Variants in ATN1 observed in about 807,000 individuals in gnomAD.
The protein encoded by ATN1 is atrophin 1, also known as atrophin-1.
In ATN1, 19 loss-of-function variants were observed where a neutral mutation model predicts 85.8. The ratio of observed to expected loss-of-function variants is 0.22; its 90% CI spans 0.15 to 0.32. ATN1 has a LOEUF of 0.32. Among genes scored for constraint, ATN1 ranks in the 10% least tolerant of loss-of-function variants. ATN1 has a pLI of 1.00. For synonymous variants in ATN1, 674 were observed against 657.0 expected, an observed-to-expected ratio of 1.03 and a Z score of -0.39; for missense variants, 1,453 against 1,564.5, an observed-to-expected ratio of 0.93 and a Z score of 1.20.
Position 6,937,992 on chromosome 12 carries a change from A to G in ATN1, c.2442A>G (p.Glu814=). Residue 814 remains glutamate (E), a synonymous_variant, in exon 6 of 10, where the codon GAA becomes GAG. Coordinates refer to ENST00000396684, the MANE Select transcript of ATN1 (RefSeq NM_001940.4). The surrounding 1 kb of genome is among the most constrained non-coding windows in gnomAD (Gnocchi z 6.0). ...RREAEQRARE[E]KERERERERE... The stretch of plus-strand genomic sequence containing the variant: ...AGGCCGAGCAGCGCGCGCGCGAAGA[A>G]AAGGAGCGCGAGCGCGAGCGGGAAC... 6.5e-7 allele frequency: 1 copy of G among 1,549,002 alleles called. No individual in the cohort carries two copies. Among genetic ancestry groups the G allele is most frequent in the South Asian group, 1.2e-5 (1 of 84,100 alleles).
upstream of ATN1, among the ~76,000 whole-genome samples, chr12:6,927,915 AG>A: frequency 6.8e-6 from 1 of 147,372 alleles, no homozygotes. Context: ...AGGGGCTAGG[AG>A]GGGGGAGAGG....
chr12:6,936,716 CCAGCAACAGCAACAGCAGCAGCAGCAG>C lies in ATN1; in HGVS notation c.1455_1481del (p.Gln494_Gln502del), dbSNP rs1945539918. 3 of 1,580,480 alleles carry C rather than the reference CCAGCAACAGCAACAGCAGCAGCAGCAG, an allele frequency of 1.9e-6. No homozygotes were observed. Among genetic ancestry groups the C allele is most frequent in the Non-Finnish European group, 2.6e-6 (3 of 1,159,472 alleles). Reference sequence around the variant, plus strand: ...CAGTCTCAACACATCACCATCACCACCAGCAACAGCAACAGCAGCAGCAGCAGCAGCAGCAGCAGCAGCAGCAGCAGC... The same window carrying C: ...CAGTCTCAACACATCACCATCACCACCAGCAGCAGCAGCAGCAGCAGCAGC... On this transcript the variant is annotated inframe_deletion, in exon 5 of 10. Transcript: ENST00000396684.
At position 6,936,961 on chromosome 12, in the gene ATN1, G is replaced by A; in HGVS notation, c.1694G>A (p.Gly565Asp). The A allele has an allele frequency of 6.2e-7, 1 of 1,613,816 alleles. No homozygotes were observed. The highest frequency in any genetic ancestry group is 8.5e-7 in the Non-Finnish European group (1 of 1,179,876). The change falls in exon 5 of 10, where the codon GGC (glycine) becomes GAC (aspartate). Residue 565 changes from glycine to aspartate, a missense_variant. By Grantham distance (94) the Gly-to-Asp change is moderately conservative (BLOSUM62 -1). Around this residue, in one of 6 missense-constraint regions of ATN1, gnomAD observed 990 missense variants for 914.8 expected, o/e 1.08. Coordinates refer to ENST00000396684, the MANE Select transcript of ATN1 (RefSeq NM_001940.4). Reference protein sequence around the residue: ...QVSYSQAGPNGPPVSSSSNSS... With the variant: ...QVSYSQAGPNDPPVSSSSNSS... ...TCCTACAGCCAAGCAGGCCCCAATGGCCCTCCAGTCTCTTCCTCTTCCAAC... is the reference window on the plus strand; with the variant it reads ...TCCTACAGCCAAGCAGGCCCCAATGACCCTCCAGTCTCTTCCTCTTCCAAC...
intron 7 of ATN1, among the ~76,000 whole-genome samples, chr12:6,940,363 T>C (rs1231094325): frequency 2.0e-5 from 3 of 152,022 alleles, no homozygotes; most frequent in Non-Finnish European, 4.4e-5. Context: ...CCTCCCAGGT[T>C]CAAGCGATTC....
Position 6,937,053 on chromosome 12 carries a change from G to T in ATN1, c.1786G>T (p.Gly596Trp), listed in dbSNP as rs1555143872. ...CCCCTCCCCTTCCCAGGGCCCTCAA[G>T]GGGCGCCCTACCCTTTCCCACCGGT... Reference protein sequence around the residue: ...SHPSPSQGPQGAPYPFPPVPT... With the variant: ...SHPSPSQGPQWAPYPFPPVPT... The change falls in exon 5 of 10, where the codon GGG becomes TGG. Residue 596 changes from glycine (G) to tryptophan (W), a missense_variant. By Grantham distance (184) the Gly-to-Trp change is radical. This residue lies in a region of ATN1 where 990 missense variants were observed against 914.8 expected (regional missense o/e 1.08). Transcript: ENST00000396684. This position sits in a 1 kb window ranked among gnomAD's most constrained non-coding sequence, Gnocchi z 6.0. 1 of 1,613,804 alleles carries T rather than the reference G, an allele frequency of 6.2e-7. No homozygotes were observed.
At chr12:6,939,904 T>C (rs1169836536) in intron 7 of ATN1, among the ~76,000 whole-genome samples, 1 of 152,252 alleles carries the variant, frequency 6.6e-6, no homozygotes, top group Non-Finnish European at 1.5e-5. Context: ...CATCTCTAGA[T>C]CTGTAACTTT....
chr12:6,938,375 G>A (rs1222852518), intron 6 of ATN1, 106 bp from the exon 7 acceptor site: 3 of 1,430,342 alleles, frequency 2.1e-6, no homozygotes, highest in East Asian at 2.5e-5. Flanking sequence ...GTTTCAATGA[G>A]TTGAGGCATT....
chr12:6,941,227 C>A lies in ATN1; in HGVS notation c.3359-147C>A. 1 of 1,202,976 alleles carries A rather than the reference C, an allele frequency of 8.3e-7. No individual in the cohort carries two copies. The highest frequency in any genetic ancestry group is 1.2e-6 in the Non-Finnish European group (1 of 868,116). 74.5% of individuals were successfully genotyped at this position (1,202,976 alleles called of 1,614,324 possible). A position where few individuals can be genotyped will look rare whatever the true frequency, so the allele number is the denominator to read the frequency against. ...CTAAGAGGTTCGAATCCCAATTCCA[C>A]CCTACCACTGGCAACTTACAGAACT... On this transcript the variant is annotated intron_variant, in intron 8 of 9. Coordinates refer to ENST00000396684, the MANE Select transcript of ATN1 (RefSeq NM_001940.4). The surrounding 1 kb of genome is among the most constrained non-coding windows in gnomAD (Gnocchi z 5.9).
At chr12:6,931,413 A>G (rs1945462127) in intron 1 of ATN1, among the ~76,000 whole-genome samples, 1 of 148,458 alleles carries the variant, frequency 6.7e-6, no homozygotes, top group African/African-American at 2.5e-5. Flanking sequence ...GTAGTTGAAA[A>G]AAAAAAAAAA....
intron 6 of ATN1, 86 bp from the exon 7 acceptor site, chr12:6,938,395 G>A (rs908203632): frequency 7.5e-5 from 110 of 1,464,280 alleles, no homozygotes; most frequent in Non-Finnish European, 9.5e-5. Flanking sequence ...TTTGGCATTC[G>A]GCTGTCGAAA....
In ATN1 at chr12:6,937,834, A is replaced by G; in HGVS notation, c.2295-11A>G. ...CACCGCCTGAGCGCCCGCTGCTTCCACGCCCGGCAGGTTCAACAAACACCT... is the reference window on the plus strand; with the variant it reads ...CACCGCCTGAGCGCCCGCTGCTTCCGCGCCCGGCAGGTTCAACAAACACCT... On this transcript the variant is annotated splice_polypyrimidine_tract_variant and intron_variant, in intron 5 of 9. Coordinates refer to ENST00000396684, the MANE Select transcript of ATN1 (RefSeq NM_001940.4). This position sits in a 1 kb window ranked among gnomAD's most constrained non-coding sequence, Gnocchi z 6.0. 3 of 1,545,202 alleles carry G rather than the reference A, an allele frequency of 1.9e-6. No homozygotes were observed. The highest frequency in any genetic ancestry group is 1.7e-6 in the Non-Finnish European group (2 of 1,145,692).
Position 6,937,466 on chromosome 12 carries a change from G to C in ATN1, c.2199G>C (p.Glu733Asp). ...ATQIKQEPAE[E>D]YETPESPVPP... ...AGATCAAACAGGAGCCGGCTGAGGA[G>C]TATGAGACCCCCGAGAGCCCGGTGC... The change falls in exon 5 of 10, where the codon GAG becomes GAC. Residue 733 changes from glutamate to aspartate, a missense_variant. Glu to Asp is a conservative substitution (Grantham distance 45). This residue lies in a region of ATN1 where 990 missense variants were observed against 914.8 expected (regional missense o/e 1.08). Coordinates refer to ENST00000396684, the MANE Select transcript of ATN1 (RefSeq NM_001940.4). This position sits in a 1 kb window ranked among gnomAD's most constrained non-coding sequence, Gnocchi z 6.0. 2 of 1,546,366 alleles carry C rather than the reference G, an allele frequency of 1.3e-6. No homozygotes were observed. Among genetic ancestry groups the C allele is most frequent in the Non-Finnish European group, 1.7e-6 (2 of 1,147,120 alleles).
Position 6,934,076 on chromosome 12 carries a change from C to A in ATN1, c.27+48C>A, listed in dbSNP as rs1945499659. ...AAAGATGAGGGGCGGGGCAGGCAAG[C>A]TAGGAGGAAGGGTCTAGAGAAGAAG... On this transcript the variant is annotated intron_variant, in intron 2 of 9. Transcript: ENST00000396684. This position sits in a 1 kb window ranked among gnomAD's most constrained non-coding sequence, Gnocchi z 4.5. The A allele has an allele frequency of 6.2e-7, 1 of 1,611,138 alleles. No individual in the cohort carries two copies. The highest frequency in any genetic ancestry group is 1.7e-5 in the Admixed American group (1 of 59,342).
chr12:6,934,712 G>A lies in ATN1; in HGVS notation c.279+134G>A. ...CCAGATCATAGTGCTTATGAGAGCA[G>A]TTCTGTCTATAATATGCCAGAGAGA... On this transcript the variant is annotated intron_variant, in intron 4 of 9. Coordinates refer to ENST00000396684, the MANE Select transcript of ATN1 (RefSeq NM_001940.4). This position sits in a 1 kb window ranked among gnomAD's most constrained non-coding sequence, Gnocchi z 4.5. 2 of 677,558 alleles carry A rather than the reference G, an allele frequency of 3.0e-6. No homozygotes were observed. The highest frequency in any genetic ancestry group is 5.1e-6 in the Non-Finnish European group (2 of 392,020). The allele number at this position is 677,558 out of a possible 1,614,324, so 42.0% of individuals were successfully genotyped here.
chr12:6,924,916 G>A (rs782146538), upstream of ATN1, among the ~76,000 whole-genome samples: 3 of 152,028 alleles, frequency 2.0e-5, no homozygotes, highest in Non-Finnish European at 4.4e-5. Context: ...CTCCTCACCA[G>A]GTCGCCTTCT....
chr12:6,937,947 G>C lies in ATN1; in HGVS notation c.2397G>C (p.Leu799=). The C allele has an allele frequency of 3.2e-6, 5 of 1,580,996 alleles. No individual in the cohort carries two copies. The highest frequency in any genetic ancestry group is 4.3e-6 in the Non-Finnish European group (5 of 1,164,354). Residue 799 remains leucine (L), a synonymous_variant, in exon 6 of 10, where the codon CTG becomes CTC. Coordinates refer to ENST00000396684, the MANE Select transcript of ATN1 (RefSeq NM_001940.4). The surrounding 1 kb of genome is among the most constrained non-coding windows in gnomAD (Gnocchi z 6.0). ...GSKLAKKRAD[L]VEKVRREAEQ... ...AGCTGGCCAAGAAGCGGGCCGACCT[G>C]GTGGAGAAGGTGCGGCGCGAGGCCG...
At position 6,939,061 on chromosome 12, in the gene ATN1, C is replaced by T. The variant is rs147111452; in HGVS notation, c.3098C>T (p.Ala1033Val). The change falls in exon 7 of 10, where the codon GCC (alanine) becomes GTC (valine). Residue 1033 changes from alanine (A) to valine (V), a missense_variant. This residue lies in a region of ATN1 where 208 missense variants were observed against 263.4 expected (regional missense o/e 0.79). Transcript: ENST00000396684. Reference sequence around the variant, plus strand: ...AGGCAGCACGCAGAAAGGGTGGCGGCCCTGGGCAATGACCCACTGGCCCGG... The same window carrying T: ...AGGCAGCACGCAGAAAGGGTGGCGGTCCTGGGCAATGACCCACTGGCCCGG... ...AERQHAERVA[A>V]LGNDPLARLQ... is the part of the protein sequence containing the mutation. 329 of 1,605,138 alleles carry T rather than the reference C, an allele frequency of 2.0e-4. No individual in the cohort carries two copies. Among genetic ancestry groups the T allele is most frequent in the Non-Finnish European group, 2.7e-4 (320 of 1,179,978 alleles).
rs147271413 is a variant in ATN1 at position 6,937,002 on chromosome 12, T to C, written c.1735T>C (p.Ser579Pro). The C allele has an allele frequency of 1.2e-6, 2 of 1,613,394 alleles. No individual in the cohort carries two copies. The highest frequency in any genetic ancestry group is 1.7e-6 in the Non-Finnish European group (2 of 1,179,634). Residue 579 changes from serine to proline, a missense_variant, in exon 5 of 10, where the codon TCT (serine) becomes CCT (proline). Ser to Pro is a moderately conservative substitution (Grantham distance 74). This residue lies in a region of ATN1 where 990 missense variants were observed against 914.8 expected (regional missense o/e 1.08). Coordinates refer to ENST00000396684, the MANE Select transcript of ATN1 (RefSeq NM_001940.4). The surrounding 1 kb of genome is among the most constrained non-coding windows in gnomAD (Gnocchi z 6.0). ...SSSSNSSSST[S>P]QGSYPCSHPS... is the part of the protein sequence containing the mutation. ...CTCTTCCAACTCTTCCTCTTCCACTTCTCAAGGGTCCTACCCATGTTCACA... is the reference window on the plus strand; with the variant it reads ...CTCTTCCAACTCTTCCTCTTCCACTCCTCAAGGGTCCTACCCATGTTCACA...
rs1488179259 is a variant in ATN1 at position 6,939,261 on chromosome 12, A to ACT, written c.3214+85_3214+86dup. ...GGGCTCTTTCATTCCTATGGCCAAG[A>ACT]CTTTCCTCCCCTGGCCTGGCATGAA... On this transcript the variant is annotated intron_variant, in intron 7 of 9. Coordinates refer to ENST00000396684, the MANE Select transcript of ATN1 (RefSeq NM_001940.4). The ACT allele has an allele frequency of 2.7e-6, 4 of 1,467,716 alleles. No individual in the cohort carries two copies. In the East Asian group the frequency reaches 9.9e-5, roughly 36 times the overall value. The allele number at this position is 1,467,716 out of a possible 1,614,324, so 90.9% of individuals were successfully genotyped here.
Sources: gnomAD v4.1 joint callset for allele counts (sites outside exome capture counted in the v4.1 genomes callset) on GRCh38, gnomAD v4.1.1 for gene constraint, gnomAD v4.1.1 regional missense constraint, Gnocchi (gnomAD v3.1) non-coding constraint, MANE v1.5 for transcripts, NCBI Gene and HGNC (gene_info 2026-07-23, HGNC 2026-07-21) for gene names.